Variants in ATP5F1C observed in about 807,000 individuals in gnomAD.
ATP5F1C encodes ATP synthase F1 subunit gamma, also known as ATP synthase F(1) complex subunit gamma, mitochondrial.
In ATP5F1C, 22 loss-of-function variants were observed where a neutral mutation model predicts 37.4. That is an observed-to-expected ratio of 0.59 (90% confidence interval 0.42 to 0.84). ATP5F1C has a LOEUF of 0.84. ATP5F1C is among the 40% of genes least tolerant of loss of function. ATP5F1C has a pLI of 0.00. For synonymous variants in ATP5F1C, 121 were observed against 128.0 expected (o/e 0.95, Z 0.37); for missense variants, 286 against 362.4 (o/e 0.79, Z 1.71).
At position 7,799,925 on chromosome 10, in the gene ATP5F1C, A is replaced by G; in HGVS notation, c.572+10A>G. On this transcript the variant is annotated intron_variant, in intron 5 of 9. Transcript: ENST00000356708. ...TCTTTAATAAATTCAGGCAAGACAG[A>G]TTTAGAAATCAAAGCTTTTTTATGT... The G allele has an allele frequency of 6.2e-7, 1 of 1,608,190 alleles. No individual in the cohort carries two copies. Among genetic ancestry groups the G allele is most frequent in the Non-Finnish European group, 8.5e-7 (1 of 1,177,588 alleles).
chr10:7,797,313 T>TTA (rs1836259669), intron 3 of ATP5F1C, 135 bp downstream of exon 3: 5 of 1,117,468 alleles, frequency 4.5e-6, no homozygotes, highest in Non-Finnish European at 6.3e-6. Context: ...TTCATCTACA[T>TTA]CCACTTGACA....
At chr10:7,791,034 G>T (rs1836154820) in intron 1 of ATP5F1C, among the ~76,000 whole-genome samples, 2 of 152,204 alleles carry the variant, frequency 1.3e-5, no homozygotes, top group South Asian at 4.1e-4. Flanking sequence ...AGGCGCAGTG[G>T]CTCACGTCTG....
chr10:7,799,765 C>T lies in ATP5F1C; in HGVS notation c.429-7C>T. On this transcript the variant is annotated splice_polypyrimidine_tract_variant and splice_region_variant and intron_variant, in intron 4 of 9. Transcript: ENST00000356708. Reference sequence around the variant, plus strand: ...ACTAGCTATGTGAGCTCTTGCTTTTCTTATAGGACTCATTCTGACCAGTTT... The same window carrying T: ...ACTAGCTATGTGAGCTCTTGCTTTTTTTATAGGACTCATTCTGACCAGTTT... The T allele has an allele frequency of 1.9e-6, 3 of 1,612,148 alleles. No homozygotes were observed. Among genetic ancestry groups the T allele is most frequent in the Non-Finnish European group, 2.5e-6 (3 of 1,179,418 alleles).
chr10:7,802,172 T>C (rs1362953000), intron 6 of ATP5F1C, 98 bp from the exon 7 acceptor site: 5 of 1,220,162 alleles, frequency 4.1e-6, no homozygotes, highest in African/African-American at 1.5e-5. Context: ...TAATTTCTGC[T>C]CTGTAATTAT....
chr10:7,802,663 A>G (rs1050661839), intron 7 of ATP5F1C, 95 bp from the exon 8 acceptor site: 3 of 1,371,440 alleles, frequency 2.2e-6, no homozygotes, highest in Non-Finnish European at 3.0e-6. Context: ...GTATCCAAAA[A>G]TTTCTTACTT....
intron 8 of ATP5F1C, 72 bp downstream of exon 8, chr10:7,802,926 A>G: frequency 1.4e-6 from 2 of 1,380,738 alleles, no homozygotes; most frequent in Non-Finnish European, 2.0e-6. Context: ...TTGGATGCTT[A>G]AAAGTTTTTC....
chr10:7,801,020 TAG>T (rs1836355317), intron 6 of ATP5F1C, among the ~76,000 whole-genome samples: 1 of 152,052 alleles, frequency 6.6e-6, no homozygotes, highest in African/African-American at 2.4e-5. Flanking sequence ...AGCTCTAGAA[TAG>T]AGAGTTGAAC....
At chr10:7,807,134 T>C in intron 9 of ATP5F1C, 124 bp downstream of exon 9, 1 of 875,902 alleles carries the variant, frequency 1.1e-6, no homozygotes, top group Non-Finnish European at 1.7e-6. Context: ...CACTTCACAG[T>C]AGCAGCCAAC....
At chr10:7,802,486 C>G (rs1836388785) in intron 7 of ATP5F1C, 61 bp downstream of exon 7, 1 of 1,549,898 alleles carries the variant, frequency 6.5e-7, no homozygotes, top group Admixed American at 2.1e-5. Context: ...TGAATCTCAG[C>G]TGAGAGGAGT....
rs1000947773 is a variant in ATP5F1C at position 7,799,078 on chromosome 10, T to C, written c.312T>C (p.Gly104=). 6.2e-7 allele frequency: 1 copy of C among 1,613,510 alleles called. No homozygotes were observed. The highest frequency in any genetic ancestry group is 8.5e-7 in the Non-Finnish European group (1 of 1,179,890). ...IGVSSDRGLC[G]AIHSSIAKQM... is the part of the protein sequence containing the mutation. ...TGTCCTCAGATCGAGGACTGTGTGG[T>C]GCTATTCATTCCTCCATTGCTAAAC... is the stretch of plus-strand genomic sequence containing the variant. Residue 104 remains glycine (G), a synonymous_variant, in exon 4 of 10, where the codon GGT becomes GGC. Coordinates refer to ENST00000356708, the MANE Select transcript of ATP5F1C (RefSeq NM_001001973.3).
intron 8 of ATP5F1C, among the ~76,000 whole-genome samples, chr10:7,806,293 T>G (rs1053539695): frequency 2.6e-5 from 4 of 152,214 alleles, no homozygotes; most frequent in Non-Finnish European, 4.4e-5. Flanking sequence ...TATTTGGCTA[T>G]TTAGTAATAT....
At position 7,799,798 on chromosome 10, in the gene ATP5F1C, CATTCAAAGAAGTGGGA is replaced by C; in HGVS notation, c.457_472del (p.Phe153GlufsTer17). 6.2e-7 allele frequency: 1 copy of C among 1,614,144 alleles called. No homozygotes were observed. The stretch of plus-strand genomic sequence containing the variant: ...ACTCATTCTGACCAGTTTCTGGTGG[CATTCAAAGAAGTGGGA>C]AGAAAGCCCCCCACTTTTGGAGATG... On this transcript the variant is annotated frameshift_variant, in exon 5 of 10. Transcript: ENST00000356708. LOFTEE classifies it high-confidence loss of function.
intron 1 of ATP5F1C, among the ~76,000 whole-genome samples, chr10:7,795,545 C>A (rs1338004769): frequency 2.0e-5 from 3 of 151,992 alleles, no homozygotes; most frequent in Non-Finnish European, 4.4e-5. Flanking sequence ...TTTTTATGAA[C>A]CTTGTTTACA....
intron 1 of ATP5F1C, 74 bp downstream of exon 1, chr10:7,788,337 G>A: frequency 6.4e-7 from 1 of 1,574,308 alleles, no homozygotes; most frequent in Non-Finnish European, 8.6e-7. Context: ...GGGAGGAGGA[G>A]ATGGGCGCGG....
chr10:7,804,539 C>T (rs769871488), intron 8 of ATP5F1C, among the ~76,000 whole-genome samples: 8 of 152,200 alleles, frequency 5.3e-5, no homozygotes, highest in Non-Finnish European at 1.2e-4. Context: ...TCCTTCCTTA[C>T]TCAGCTGGGG....
intron 8 of ATP5F1C, among the ~76,000 whole-genome samples, chr10:7,803,060 G>C (rs1176490182): frequency 2.0e-5 from 3 of 152,098 alleles, no homozygotes; most frequent in African/African-American, 7.2e-5. Flanking sequence ...AAACACTCGG[G>C]CTTAGTTTTC....
intron 6 of ATP5F1C, 120 bp from the exon 7 acceptor site, chr10:7,802,150 C>T (rs1836377689): frequency 4.9e-6 from 5 of 1,011,082 alleles, no homozygotes; most frequent in Non-Finnish European, 7.0e-6. Context: ...ATTCATTTAC[C>T]TTATCTAGCA....
chr10:7,806,606 A>G (rs1588505498), intron 8 of ATP5F1C, among the ~76,000 whole-genome samples: 1 of 151,886 alleles, frequency 6.6e-6, no homozygotes, highest in East Asian at 1.9e-4. Flanking sequence ...GTGAGCTGAG[A>G]TCACGCCACT....
chr10:7,803,159 C>T (rs575795251), intron 8 of ATP5F1C, among the ~76,000 whole-genome samples: 2 of 152,160 alleles, frequency 1.3e-5, no homozygotes, highest in East Asian at 3.9e-4. Flanking sequence ...GTAAGCCAAG[C>T]TTTCTGAGTT....
Sources: allele counts gnomAD v4.1 joint callset (sites outside exome capture counted in the v4.1 genomes callset), GRCh38; gene constraint gnomAD v4.1.1; transcripts MANE v1.5; gene names NCBI Gene and HGNC (gene_info 2026-07-23, HGNC 2026-07-21).